The following ADAM12 variants were observed in gnomAD, a reference collection of about 807,000 sequenced individuals.
The protein encoded by ADAM12 is disintegrin and metalloproteinase domain-containing protein 12.
Under a neutral mutation model 106.4 loss-of-function variants are expected in ADAM12, and 70 were observed. The observed-to-expected ratio is 0.66, with a 90% CI of 0.54 to 0.80. ADAM12 has a LOEUF of 0.80. ADAM12 is among the 30% of genes least tolerant of loss of function. The pLI is 0.00. For synonymous variants in ADAM12, 420 were observed against 433.5 expected (o/e 0.97, Z 0.39); for missense variants, 1,010 against 1,171.9 (o/e 0.86, Z 2.02).
At chr10:126,085,266 A>T (rs1955314910) in intron 11 of ADAM12, among the ~76,000 whole-genome samples, 1 of 152,158 alleles carries the variant, frequency 6.6e-6, no homozygotes, top group Non-Finnish European at 1.5e-5. Context: ...TGTGTGTATC[A>T]TTGCAAACTA....
chr10:126,038,942 G>C (rs1394807593), intron 19 of ADAM12, among the ~76,000 whole-genome samples: 5 of 143,146 alleles, frequency 3.5e-5, no homozygotes, highest in Non-Finnish European at 1.5e-5. Context: ...CATTTTCTGA[G>C]ACACCATTTC....
At chr10:126,253,698 G>A (rs917036969) in intron 3 of ADAM12, among the ~76,000 whole-genome samples, 4 of 152,112 alleles carry the variant, frequency 2.6e-5, no homozygotes, top group Non-Finnish European at 4.4e-5. Context: ...GGGTTGGGTG[G>A]GGGGAGGGCT....
At chr10:126,226,983 AT>A (rs1565151498) in intron 3 of ADAM12, among the ~76,000 whole-genome samples, 1 of 152,198 alleles carries the variant, frequency 6.6e-6, no homozygotes, top group African/African-American at 2.4e-5. Flanking sequence ...ATAACTGCTT[AT>A]CGTACAGCAG....
chr10:126,054,373 T>A (rs1954581182), intron 14 of ADAM12, among the ~76,000 whole-genome samples: 1 of 152,248 alleles, frequency 6.6e-6, no homozygotes, highest in South Asian at 2.1e-4. Flanking sequence ...TGAACCTGCG[T>A]GGATGCAGGA....
At chr10:126,170,447 G>T (rs573707334) in intron 3 of ADAM12, among the ~76,000 whole-genome samples, 156 of 151,950 alleles carry the variant, frequency 1.0e-3, no homozygotes, top group Middle Eastern at 3.4e-3. Flanking sequence ...AAGAGGGCGG[G>T]GGGGGAGTCC....
rs375911438 is a variant in ADAM12 at position 126,113,256 on chromosome 10, A to C, written c.604-3416T>G. On this transcript the variant is annotated intron_variant, in intron 6 of 22. Coordinates refer to ENST00000448723, the MANE Select transcript of ADAM12 (RefSeq NM_001288973.2). Reference sequence around the variant, plus strand: ...GCTGGAGTCTGGCGAATGGCGGACAAGAGTGGACGAGAGGAGGTGGAAGAT... The same window carrying C: ...GCTGGAGTCTGGCGAATGGCGGACACGAGTGGACGAGAGGAGGTGGAAGAT... Among the ~76,000 whole-genome samples the C allele has an allele frequency of 3.3e-5, 5 of 152,288 alleles. No homozygotes were observed. In the East Asian group the frequency reaches 7.7e-4, roughly 24 times the overall value.
At chr10:126,022,594 G>A (rs1412881976) in intron 21 of ADAM12, among the ~76,000 whole-genome samples, 1 of 152,168 alleles carries the variant, frequency 6.6e-6, no homozygotes, top group South Asian at 2.1e-4. Context: ...CTGGAGGAAG[G>A]GATGAAATTG....
At chr10:126,328,328 C>T (rs762449240) in intron 2 of ADAM12, among the ~76,000 whole-genome samples, 1 of 152,218 alleles carries the variant, frequency 6.6e-6, no homozygotes, top group African/African-American at 2.4e-5. Context: ...TGAGGCACAG[C>T]AGGCACCGTT....
intron 18 of ADAM12, among the ~76,000 whole-genome samples, chr10:126,042,779 T>G (rs1461285813): frequency 6.6e-6 from 1 of 152,180 alleles, no homozygotes; most frequent in African/African-American, 2.4e-5. Context: ...GAAATGACCT[T>G]AGTTAAGAAA....
chr10:126,262,202 T>C (rs1959015760), intron 3 of ADAM12, among the ~76,000 whole-genome samples: 1 of 152,202 alleles, frequency 6.6e-6, no homozygotes, highest in Non-Finnish European at 1.5e-5. Context: ...TATGTACATA[T>C]ATTTATGTAT....
At chr10:126,087,031 C>CA (rs1301244449) in intron 11 of ADAM12, among the ~76,000 whole-genome samples, 3 of 146,788 alleles carry the variant, frequency 2.0e-5, no homozygotes, top group Non-Finnish European at 4.5e-5. Flanking sequence ...AGGCTCAGCT[C>CA]AAAAAAATTA....
At chr10:126,303,492 C>T (rs907890736) in intron 2 of ADAM12, among the ~76,000 whole-genome samples, 1 of 152,204 alleles carries the variant, frequency 6.6e-6, no homozygotes, top group Admixed American at 6.5e-5. Flanking sequence ...CATTAAATTA[C>T]TTTCCGAGAG....
At chr10:126,136,620 C>T (rs556815970) in intron 4 of ADAM12, among the ~76,000 whole-genome samples, 3 of 152,296 alleles carry the variant, frequency 2.0e-5, no homozygotes, top group Admixed American at 2.0e-4. Flanking sequence ...AGCTTGGTGT[C>T]CAGTCATTCT....
chr10:126,345,672 A>G (rs990408730), intron 1 of ADAM12, among the ~76,000 whole-genome samples: 1 of 152,144 alleles, frequency 6.6e-6, no homozygotes, highest in Non-Finnish European at 1.5e-5. Context: ...TTTGGTTGGT[A>G]GACTATTAAT....
chr10:126,048,596 G>T (rs1216073086), intron 16 of ADAM12, among the ~76,000 whole-genome samples: 1 of 151,746 alleles, frequency 6.6e-6, no homozygotes, highest in African/African-American at 2.4e-5. Context: ...AGCATTTGGG[G>T]GTTGTTTCAT....
intron 22 of ADAM12, among the ~76,000 whole-genome samples, chr10:126,019,226 C>T (rs955085730): frequency 2.6e-5 from 4 of 152,140 alleles, no homozygotes; most frequent in African/African-American, 4.8e-5. Context: ...GAGGCCTCCC[C>T]GGAAGCATAT....
At chr10:126,048,455 T>C (rs1954385125) in intron 16 of ADAM12, among the ~76,000 whole-genome samples, 1 of 152,130 alleles carries the variant, frequency 6.6e-6, no homozygotes. Flanking sequence ...TCAGGGTGTG[T>C]GGGGCCAAAG....
chr10:126,094,209 G>A, intron 10 of ADAM12, 76 bp from the exon 11 acceptor site: 1 of 1,386,898 alleles, frequency 7.2e-7, no homozygotes, highest in Non-Finnish European at 9.9e-7. Flanking sequence ...CCTCCCCACA[G>A]AAATATACCT....
chr10:126,157,643 A>G (rs1041192273), intron 3 of ADAM12, among the ~76,000 whole-genome samples: 2 of 152,156 alleles, frequency 1.3e-5, no homozygotes, highest in African/African-American at 4.8e-5. Context: ...GGGCCCTCAC[A>G]CTCACTGGCA....
Sources: allele counts gnomAD v4.1 joint callset (sites outside exome capture counted in the v4.1 genomes callset), GRCh38; gene constraint gnomAD v4.1.1; transcripts MANE v1.5; gene names NCBI Gene and HGNC (gene_info 2026-07-23, HGNC 2026-07-21).